Variants in BRD10 observed in about 807,000 individuals in gnomAD.
BRD10 encodes the protein bromodomain containing 10.
chr9:5,959,625 A>G, the BRD10 span, among the ~76,000 whole-genome samples: 15 of 152,314 alleles, frequency 9.8e-5, no homozygotes, highest in African/African-American at 3.6e-4. Context: ...CTGGTATGCT[A>G]AAAGTTTTCT....
At chr9:5,973,527 G>T in the BRD10 span, among the ~76,000 whole-genome samples, 1 of 152,060 alleles carries the variant, frequency 6.6e-6, no homozygotes, top group African/African-American at 2.4e-5. Context: ...AAATAAGCTG[G>T]GAGAAAAATG....
the BRD10 span, chr9:5,967,887 T>C: frequency 5.0e-6 from 3 of 605,472 alleles, no homozygotes; most frequent in Admixed American, 3.3e-5. Flanking sequence ...TAAAATAAAA[T>C]TTGACCCTCA....
the BRD10 span, among the ~76,000 whole-genome samples, chr9:5,888,737 G>A: frequency 2.6e-5 from 4 of 152,320 alleles, no homozygotes; most frequent in African/African-American, 7.2e-5. Context: ...AGAAATTGCC[G>A]AAGAACTCAA....
chr9:5,987,249 C>G, the BRD10 span, among the ~76,000 whole-genome samples: 1 of 152,020 alleles, frequency 6.6e-6, no homozygotes, highest in Non-Finnish European at 1.5e-5. Context: ...TTCCTTTGTT[C>G]TCCCTATACC....
At chr9:6,003,341 T>C in the BRD10 span, among the ~76,000 whole-genome samples, 3 of 152,244 alleles carry the variant, frequency 2.0e-5, no homozygotes, top group East Asian at 1.9e-4. Flanking sequence ...AAATCAGTTT[T>C]GGAAGAGGTA....
the BRD10 span, among the ~76,000 whole-genome samples, chr9:5,993,638 G>A: frequency 6.6e-6 from 1 of 152,116 alleles, no homozygotes; most frequent in African/African-American, 2.4e-5. Context: ...AGGCCATAAC[G>A]ATGGAGCACA....
the BRD10 span, chr9:5,968,724 T>C: frequency 6.2e-7 from 1 of 1,613,900 alleles, no homozygotes; most frequent in African/African-American, 1.3e-5. Context: ...CGAGGTACTC[T>C]TTGTATTTTA....
the BRD10 span, chr9:5,913,828 C>A: frequency 8.7e-6 from 2 of 229,394 alleles, no homozygotes; most frequent in South Asian, 4.9e-5. Context: ...TCAAATAAAT[C>A]ACTTACAGTT....
the BRD10 span, among the ~76,000 whole-genome samples, chr9:5,992,899 A>G: frequency 7.0e-6 from 1 of 142,906 alleles, no homozygotes; most frequent in Non-Finnish European, 1.5e-5. Context: ...TACTAAAAAT[A>G]GATGTTTGAA....
chr9:5,925,345 C>T, the BRD10 span, among the ~76,000 whole-genome samples: 4 of 131,988 alleles, frequency 3.0e-5, no homozygotes, highest in African/African-American at 5.7e-5. Flanking sequence ...GGCGACAGAG[C>T]GAGACTCCAT....
At chr9:5,912,294 A>G in the BRD10 span, among the ~76,000 whole-genome samples, 4 of 152,308 alleles carry the variant, frequency 2.6e-5, no homozygotes, top group African/African-American at 4.8e-5. Context: ...TTTTCCAAAT[A>G]TAACATCATA....
At chr9:5,983,840 T>C in the BRD10 span, among the ~76,000 whole-genome samples, 48 of 151,912 alleles carry the variant, frequency 3.2e-4, no homozygotes, top group African/African-American at 9.4e-4. Context: ...ACCACCCCTA[T>C]AGGAACAAAG....
the BRD10 span, chr9:5,968,663 T>A: frequency 1.2e-6 from 2 of 1,613,892 alleles, no homozygotes; most frequent in South Asian, 2.2e-5. Context: ...ACATCTATGT[T>A]CTCCATTACT....
chr9:5,932,565 A>G, the BRD10 span, among the ~76,000 whole-genome samples: 1 of 152,192 alleles, frequency 6.6e-6, no homozygotes, highest in Non-Finnish European at 1.5e-5. Context: ...AGATGATTTA[A>G]AGTCTACAGG....
At chr9:5,891,959 G>A in the BRD10 span, among the ~76,000 whole-genome samples, 1 of 152,212 alleles carries the variant, frequency 6.6e-6, no homozygotes, top group Admixed American at 6.5e-5. Context: ...GGCAACGGGT[G>A]CTCTGGGAAA....
chr9:5,943,261 T>TTACAGAA, the BRD10 span, among the ~76,000 whole-genome samples: 1 of 152,174 alleles, frequency 6.6e-6, no homozygotes, highest in Non-Finnish European at 1.5e-5. Context: ...CTAGAATGCT[T>TTACAGAA]GCAGAAGTCT....
At chr9:5,982,805 G>A in the BRD10 span, among the ~76,000 whole-genome samples, 3 of 152,192 alleles carry the variant, frequency 2.0e-5, no homozygotes, top group African/African-American at 7.2e-5. Context: ...TCGGGATCAG[G>A]GAGTCCAGTG....
At chr9:5,946,301 T>C in the BRD10 span, among the ~76,000 whole-genome samples, 1 of 152,098 alleles carries the variant, frequency 6.6e-6, no homozygotes, top group Non-Finnish European at 1.5e-5. Flanking sequence ...AGGGAAAATA[T>C]GTATTTAAAT....
the BRD10 span, chr9:5,924,756 T>A: frequency 6.2e-7 from 1 of 1,607,072 alleles, no homozygotes. Context: ...AAGATCTCCT[T>A]CACCTTCATC....
Sources: allele counts gnomAD v4.1 joint callset (sites outside exome capture counted in the v4.1 genomes callset), GRCh38; gene constraint gnomAD v4.1.1; transcripts MANE v1.5; gene names NCBI Gene and HGNC (gene_info 2026-07-23, HGNC 2026-07-21).